Variants in KANSL1 observed in about 807,000 individuals in gnomAD.
KANSL1 encodes MLL1/MLL complex subunit KANSL1.
A neutral mutation model predicts 103.6 loss-of-function variants in KANSL1; 22 were observed. The ratio of observed to expected loss-of-function variants is 0.21; its 90% CI spans 0.15 to 0.30. KANSL1 has a LOEUF of 0.30. Among genes scored for constraint, KANSL1 ranks in the 10% least tolerant of loss-of-function variants. The pLI is 1.00. For synonymous variants in KANSL1, 600 were observed against 527.6 expected, an observed-to-expected ratio of 1.14 and a Z score of -1.88; for missense variants, 1,337 against 1,399.8, an observed-to-expected ratio of 0.96 and a Z score of 0.72.
At chr17:46,159,514 A>C (rs2045620503) in intron 2 of KANSL1, among the ~76,000 whole-genome samples, 2 of 152,234 alleles carry the variant, frequency 1.3e-5, no homozygotes, top group Non-Finnish European at 1.5e-5. Flanking sequence ...ACAAATACAG[A>C]CTAAGTAGAT....
chr17:46,061,734 G>T (rs1245133096), intron 6 of KANSL1, among the ~76,000 whole-genome samples: 1 of 152,094 alleles, frequency 6.6e-6, no homozygotes, highest in Non-Finnish European at 1.5e-5. Flanking sequence ...ATCTCCTCCA[G>T]GATTACTACT....
chr17:46,082,744 C>CT (rs1738001275), intron 3 of KANSL1, among the ~76,000 whole-genome samples: 1 of 152,120 alleles, frequency 6.6e-6, no homozygotes, highest in Non-Finnish European at 1.5e-5. Context: ...GCTCCCCTCT[C>CT]TGCCACTTGA....
At chr17:46,128,281 A>ACCTTGTG (rs2043673160) in intron 2 of KANSL1, among the ~76,000 whole-genome samples, 1 of 152,184 alleles carries the variant, frequency 6.6e-6, no homozygotes, top group Non-Finnish European at 1.5e-5. Context: ...CTCTCACAGA[A>ACCTTGTG]CCTTGTGCCT....
chr17:46,062,123 A>C (rs111868503), intron 6 of KANSL1, among the ~76,000 whole-genome samples: 3,561 of 135,134 alleles, frequency 0.026, 220 homozygotes, highest in African/African-American at 0.09. Context: ...ACAAACAAAA[A>C]AAAAAAAAAA....
At chr17:46,130,163 G>A (rs1443106199) in intron 2 of KANSL1, among the ~76,000 whole-genome samples, 1 of 134,196 alleles carries the variant, frequency 7.5e-6, no homozygotes, top group African/African-American at 2.8e-5. Flanking sequence ...CTCATGCCTG[G>A]GCAAAAGAAT....
chr17:46,059,717 A>T (rs1281564092), intron 6 of KANSL1, among the ~76,000 whole-genome samples: 1 of 151,730 alleles, frequency 6.6e-6, no homozygotes, highest in Admixed American at 6.6e-5. Context: ...AGAGAGAAAC[A>T]GACTGTTATC....
chr17:46,111,258 T>G (rs2042789976), intron 2 of KANSL1, among the ~76,000 whole-genome samples: 1 of 152,202 alleles, frequency 6.6e-6, no homozygotes, highest in Non-Finnish European at 1.5e-5. Context: ...TCGTCCAGGC[T>G]GGAGTGCGAT....
chr17:46,210,957 G>A (rs535132482), intron 1 of KANSL1, among the ~76,000 whole-genome samples: 1 of 152,060 alleles, frequency 6.6e-6, no homozygotes. Flanking sequence ...ATTCCAGAAG[G>A]GCACGCTTCA....
At position 46,047,819 on chromosome 17, in the gene KANSL1, CA is replaced by C. The variant is rs556959980; in HGVS notation, c.2020+2713del. On this transcript the variant is annotated intron_variant, in intron 7 of 14. Coordinates refer to ENST00000432791, the MANE Select transcript of KANSL1 (RefSeq NM_015443.4). ...ATAAAAATTAAAAAAAAAAAAAAAACAAAAAAAAAACTTACAGACTACCTGG... is the reference window on the plus strand; with the variant it reads ...ATAAAAATTAAAAAAAAAAAAAAAACAAAAAAAAACTTACAGACTACCTGG... Among the ~76,000 whole-genome samples the C allele has an allele frequency of 7.3e-3, 992 of 136,784 alleles. 13 individuals are homozygous for C. Among genetic ancestry groups the C allele is most frequent in the African/African-American group, 0.026 (951 of 36,336 alleles). The allele number at this position is 136,784 out of a possible 152,430, so 89.7% of individuals were successfully genotyped here. A position where few individuals can be genotyped will look rare whatever the true frequency, so the allele number is the denominator to read the frequency against.
At chr17:46,117,200 G>A (rs1340234648) in intron 2 of KANSL1, among the ~76,000 whole-genome samples, 2 of 152,172 alleles carry the variant, frequency 1.3e-5, no homozygotes, top group Non-Finnish European at 2.9e-5. Flanking sequence ...AGCTTCAACT[G>A]AGCACAGAGA....
At chr17:46,127,441 C>T (rs936675409) in intron 2 of KANSL1, among the ~76,000 whole-genome samples, 4 of 152,168 alleles carry the variant, frequency 2.6e-5, no homozygotes, top group Non-Finnish European at 5.9e-5. Flanking sequence ...CTGGTTTTTA[C>T]CAGATCCCGC....
chr17:46,147,371 C>T (rs1449407842), intron 2 of KANSL1, among the ~76,000 whole-genome samples: 1 of 152,094 alleles, frequency 6.6e-6, no homozygotes, highest in Non-Finnish European at 1.5e-5. Context: ...TTCAGGAGTT[C>T]ACGACCAGTG....
In KANSL1 at chr17:46,094,504, A is replaced by C. The variant is rs2041979009; in HGVS notation, c.1431+56T>G. 3 of 1,578,090 alleles carry C rather than the reference A, an allele frequency of 1.9e-6. No homozygotes were observed. The African/African-American group carries it at 4.1e-5, about 22-fold the overall frequency. ...TACGAGGTGGGAGGGGATGTGAGAA[A>C]AGCGATATTGATAGTTTTCGGCAGC... On this transcript the variant is annotated intron_variant, in intron 3 of 14. Transcript: ENST00000432791.
At chr17:46,119,323 CTTT>C (rs142510572) in intron 2 of KANSL1, among the ~76,000 whole-genome samples, 18 of 144,092 alleles carry the variant, frequency 1.2e-4, no homozygotes, top group Non-Finnish European at 1.5e-4. Context: ...TTTTCTTTTT[CTTT>C]TTTTTTTTTT....
At chr17:46,143,768 C>T (rs1480890527) in intron 2 of KANSL1, among the ~76,000 whole-genome samples, 2 of 139,486 alleles carry the variant, frequency 1.4e-5, no homozygotes, top group Non-Finnish European at 3.0e-5. Flanking sequence ...CACGCCACTG[C>T]CCTCCAGCCT....
In KANSL1 at chr17:46,188,800, G is replaced by A. The variant is rs540541265; in HGVS notation, c.-90+4023C>T. 3.9e-5 allele frequency among the ~76,000 whole-genome samples: 6 copies of A among 152,208 alleles called. No individual in the cohort carries two copies. In the South Asian group the frequency reaches 8.3e-4, roughly 21 times the overall value. ...AATCCTAGCACTTTGGGAGGCTGAG[G>A]TGGGTGGATCACCTGAGGTCCGGAG... On this transcript the variant is annotated intron_variant, in intron 1 of 14. Transcript: ENST00000432791.
At chr17:46,208,892 C>T (rs556085976) in intron 1 of KANSL1, among the ~76,000 whole-genome samples, 5 of 150,616 alleles carry the variant, frequency 3.3e-5, no homozygotes, top group Admixed American at 6.6e-5. Flanking sequence ...TGATGCAGCC[C>T]GGGCGCAGTG....
chr17:46,186,458 C>T (rs1393883588), intron 1 of KANSL1, among the ~76,000 whole-genome samples: 2 of 151,986 alleles, frequency 1.3e-5, no homozygotes, highest in South Asian at 2.1e-4. Context: ...TGAGTTCCCA[C>T]TGAAACCTAC....
chr17:46,039,337 C>G (rs917322227), intron 8 of KANSL1, 122 bp from the exon 9 acceptor site: 3 of 902,240 alleles, frequency 3.3e-6, no homozygotes, highest in Non-Finnish European at 4.8e-6. Flanking sequence ...CAGGACAGTC[C>G]TTCAGGACTG....
Sources: gnomAD v4.1 joint callset for allele counts (sites outside exome capture counted in the v4.1 genomes callset) on GRCh38, gnomAD v4.1.1 for gene constraint, MANE v1.5 for transcripts, NCBI Gene and HGNC (gene_info 2026-07-23, HGNC 2026-07-21) for gene names.